FREM2: variants seen among roughly 807,000 people sequenced by gnomAD.
FREM2 encodes FRAS1 related extracellular matrix 2.
Under a neutral mutation model 219.9 loss-of-function variants are expected in FREM2, and 119 were observed. The observed-to-expected ratio is 0.54, with a 90% CI of 0.47 to 0.63. FREM2 has a LOEUF of 0.63. FREM2 is among the 30% of genes least tolerant of loss of function. The pLI is 0.00. For synonymous variants in FREM2, 1,562 were observed against 1,522.8 expected, an observed-to-expected ratio of 1.03 and a Z score of -0.60; for missense variants, 4,030 against 3,993.6, an observed-to-expected ratio of 1.01 and a Z score of -0.25.
At chr13:38,777,548 G>A (rs1336349813) in intron 4 of FREM2, among the ~76,000 whole-genome samples, 1 of 152,144 alleles carries the variant, frequency 6.6e-6, no homozygotes, top group Non-Finnish European at 1.5e-5. Context: ...TACCTCAAAG[G>A]TTGTTGCAAG....
In FREM2 at chr13:38,880,692, G is replaced by A. The variant is rs746196338; in HGVS notation, c.9415G>A (p.Glu3139Lys). 3.0e-5 allele frequency: 48 copies of A among 1,614,204 alleles called. No individual in the cohort carries two copies. The highest frequency in any genetic ancestry group is 4.1e-5 in the Non-Finnish European group (48 of 1,180,028). The part of the protein sequence containing the change: ...VIAVLMCRGK[E>K]SFRGKDAPKG... ...TGCAGTGCTGATGTGCAGGGGCAAG[G>A]AAAGTTTCAGGGGGAAGGATGCCCC... is the stretch of plus-strand genomic sequence containing the variant. Residue 3139 changes from glutamate (E) to lysine (K), a missense_variant, in exon 24 of 24, where the codon GAA becomes AAA. Glu to Lys is a moderately conservative substitution (Grantham distance 56). Transcript: ENST00000280481.
At chr13:38,856,006 G>T in intron 11 of FREM2, 120 bp from the exon 12 acceptor site, 1 of 673,358 alleles carries the variant, frequency 1.5e-6, no homozygotes, top group Non-Finnish European at 2.5e-6. Flanking sequence ...AAATATACTG[G>T]ACCACAGTGT....
intron 6 of FREM2, among the ~76,000 whole-genome samples, chr13:38,792,545 CTA>C (rs1175790885): frequency 6.6e-6 from 1 of 152,026 alleles, no homozygotes; most frequent in Non-Finnish European, 1.5e-5. Context: ...TATAATTATT[CTA>C]TGTTATTTAT....
At chr13:38,712,522 A>G (rs1423320417) in intron 2 of FREM2, among the ~76,000 whole-genome samples, 1 of 152,172 alleles carries the variant, frequency 6.6e-6, no homozygotes, top group Admixed American at 6.5e-5. Flanking sequence ...TAGAATATAG[A>G]AAGCATTTTG....
chr13:38,851,686 A>G lies in FREM2; in HGVS notation c.6743A>G (p.Lys2248Arg). The change falls in exon 11 of 24, where the codon AAG (lysine) becomes AGG (arginine). Residue 2248 changes from lysine to arginine, a missense_variant and splice_region_variant. This residue lies in a region of FREM2 where 3,102 missense variants were observed against 2,950.7 expected (regional missense o/e 1.05). Transcript: ENST00000280481. ...TLIRIRDDAD[K>R]TVIKFGETKF... ...TTGTCTTTGTTTCCCACAATTTTAG[A>G]GACTGTTATTAAATTTGGAGAAACC... 6.3e-7 allele frequency: 1 copy of G among 1,598,782 alleles called. No homozygotes were observed. Among genetic ancestry groups the G allele is most frequent in the Non-Finnish European group, 8.6e-7 (1 of 1,166,502 alleles).
At chr13:38,795,994 T>C (rs1347936888) in intron 6 of FREM2, among the ~76,000 whole-genome samples, 1 of 149,872 alleles carries the variant, frequency 6.7e-6, no homozygotes, top group Non-Finnish European at 1.5e-5. Context: ...TTTCTTTCTT[T>C]CTTTTTTCTT....
In FREM2 at chr13:38,688,071, G is replaced by A. The variant is rs998887205; in HGVS notation, c.727G>A (p.Ala243Thr). Residue 243 changes from alanine (A) to threonine (T), a missense_variant, in exon 1 of 24, where the codon GCC becomes ACC. Around this residue, in one of 2 missense-constraint regions of FREM2, gnomAD observed 3,102 missense variants for 2,950.7 expected, o/e 1.05. Coordinates refer to ENST00000280481, the MANE Select transcript of FREM2 (RefSeq NM_207361.6). The part of the protein sequence containing the change: ...LLHYPQVPGG[A>T]REGGAPETLL... The stretch of plus-strand genomic sequence containing the variant: ...CCACTACCCGCAGGTCCCTGGAGGA[G>A]CCAGAGAGGGAGGCGCCCCGGAGAC... 6 of 1,608,682 alleles carry A rather than the reference G, an allele frequency of 3.7e-6. No homozygotes were observed. The highest frequency in any genetic ancestry group is 2.2e-5 in the East Asian group (1 of 44,718).
At position 38,879,164 on chromosome 13, in the gene FREM2, C is replaced by A. The variant is rs77201936; in HGVS notation, c.9006+187C>A. On this transcript the variant is annotated intron_variant, in intron 23 of 23. Coordinates refer to ENST00000280481, the MANE Select transcript of FREM2 (RefSeq NM_207361.6). ...CTATGCTGGGCATATGGTGAGCACT[C>A]CATAAACCCAGCGTTTATTATTTTT... Among the ~76,000 whole-genome samples the A allele has an allele frequency of 5.5e-3, 833 of 152,338 alleles. 33 individuals are homozygous for A. The East Asian group carries it at 0.11, about 20-fold the overall frequency.
intron 1 of FREM2, among the ~76,000 whole-genome samples, chr13:38,695,547 A>T (rs939384241): frequency 1.3e-5 from 2 of 152,224 alleles, no homozygotes; most frequent in East Asian, 3.8e-4. Context: ...TGGGCATGCT[A>T]AACAGTGCCT....
chr13:38,688,325 G>A lies in FREM2; in HGVS notation c.981G>A (p.Met327Ile), dbSNP rs761887362. 20 of 1,614,100 alleles carry A rather than the reference G, an allele frequency of 1.2e-5. No homozygotes were observed. In the South Asian group the frequency reaches 2.0e-4, roughly 16 times the overall value. The change falls in exon 1 of 24, where the codon ATG becomes ATA. Residue 327 changes from methionine to isoleucine, a missense_variant. By Grantham distance (10) the Met-to-Ile change is conservative. This residue lies in a region of FREM2 where 3,102 missense variants were observed against 2,950.7 expected (regional missense o/e 1.05). Transcript: ENST00000280481. ...AGCCCAGTTTCGTGGCCATGATGAT[G>A]ATGGAGGTGGACCAGTTTGTACTGA... ...APKPSFVAMM[M>I]MEVDQFVLTA...
intron 11 of FREM2, among the ~76,000 whole-genome samples, chr13:38,853,830 A>G (rs1198306792): frequency 6.6e-6 from 1 of 152,210 alleles, no homozygotes; most frequent in Non-Finnish European, 1.5e-5. Context: ...CAGATTTTAC[A>G]TGAAAGAAGT....
At chr13:38,807,536 A>T (rs549520326) in intron 6 of FREM2, among the ~76,000 whole-genome samples, 1 of 151,918 alleles carries the variant, frequency 6.6e-6, no homozygotes, top group East Asian at 2.0e-4. Flanking sequence ...TTCAAAGTTG[A>T]AATGACTCCT....
In FREM2 at chr13:38,691,501, G is replaced by A; in HGVS notation, c.4157G>A (p.Gly1386Glu). ...AACTTAATTCAGTATGTCCATTTGGGGCAAGAGGGCATTCGGGACCTAATT... is the reference window on the plus strand; with the variant it reads ...AACTTAATTCAGTATGTCCATTTGGAGCAAGAGGGCATTCGGGACCTAATT... ...DRNLIQYVHL[G>E]QEGIRDLIKF... The change falls in exon 1 of 24, where the codon GGG becomes GAG. Residue 1386 changes from glycine to glutamate, a missense_variant. Physicochemically the swap from Gly to Glu is moderately conservative, Grantham distance 98. Transcript: ENST00000280481. The A allele has an allele frequency of 8.7e-6, 14 of 1,614,066 alleles. No individual in the cohort carries two copies. Among genetic ancestry groups the A allele is most frequent in the Non-Finnish European group, 1.2e-5 (14 of 1,179,998 alleles).
intron 2 of FREM2, among the ~76,000 whole-genome samples, chr13:38,699,194 A>G (rs2138081021): frequency 6.6e-6 from 1 of 152,284 alleles, no homozygotes; most frequent in Non-Finnish European, 1.5e-5. Context: ...TGACTGAGTA[A>G]ACCTCAATAG....
chr13:38,747,202 TA>T (rs970207958), intron 2 of FREM2, among the ~76,000 whole-genome samples: 2 of 152,090 alleles, frequency 1.3e-5, no homozygotes, highest in Non-Finnish European at 2.9e-5. Flanking sequence ...TTGTTATCAT[TA>T]AGGTATTAAA....
intron 6 of FREM2, among the ~76,000 whole-genome samples, chr13:38,835,173 C>T (rs1269394501): frequency 6.6e-6 from 1 of 152,158 alleles, no homozygotes; most frequent in East Asian, 1.9e-4. Flanking sequence ...TATGGCTAGC[C>T]AGTTTTCCCA....
Position 38,743,868 on chromosome 13 carries a change from T to C in FREM2, c.5264-20436T>C, listed in dbSNP as rs570979380. 1.2e-4 allele frequency among the ~76,000 whole-genome samples: 19 copies of C among 152,338 alleles called. No individual in the cohort carries two copies. In the South Asian group the frequency reaches 3.3e-3, roughly 27 times the overall value. Reference sequence around the variant, plus strand: ...CCAAGCCTATAATATCTACTCTCAGTGATTTGTAGGGCAAATGGATTAATG... The same window carrying C: ...CCAAGCCTATAATATCTACTCTCAGCGATTTGTAGGGCAAATGGATTAATG... On this transcript the variant is annotated intron_variant, in intron 2 of 23. Coordinates refer to ENST00000280481, the MANE Select transcript of FREM2 (RefSeq NM_207361.6).
Position 38,692,505 on chromosome 13 carries a change from C to A in FREM2, c.5161C>A (p.Gln1721Lys). 6.2e-7 allele frequency: 1 copy of A among 1,610,908 alleles called. No homozygotes were observed. Residue 1721 changes from glutamine to lysine, a missense_variant, in exon 1 of 24, where the codon CAG becomes AAG. Coordinates refer to ENST00000280481, the MANE Select transcript of FREM2 (RefSeq NM_207361.6). ...GGACAAAGGCAACCACAGCATCACT[C>A]AGTTCACACAAGGTATGTTTCATGT... ...NLDKGNHSIT[Q>K]FTQADIDDMK... is the part of the protein sequence containing the mutation.
At chr13:38,867,200 T>C (rs1010200298) in intron 16 of FREM2, among the ~76,000 whole-genome samples, 5 of 152,236 alleles carry the variant, frequency 3.3e-5, no homozygotes, top group African/African-American at 1.2e-4. Flanking sequence ...TCCATAATAC[T>C]AGAAGAGAGT....
Sources: allele counts gnomAD v4.1 joint callset (sites outside exome capture counted in the v4.1 genomes callset), GRCh38; gene constraint gnomAD v4.1.1; regional missense constraint gnomAD v4.1.1; transcripts MANE v1.5; gene names NCBI Gene and HGNC (gene_info 2026-07-23, HGNC 2026-07-21).